Variants in SNTB2 observed in about 807,000 individuals in gnomAD.
SNTB2 encodes the protein beta-2-syntrophin.
Under a neutral mutation model 46.2 loss-of-function variants are expected in SNTB2, and 34 were observed. The observed-to-expected ratio is 0.74, with a 90% CI of 0.56 to 0.98. The LOEUF (loss-of-function observed/expected upper bound fraction) is 0.98, where lower values mean the gene tolerates loss of function less well. Ranked by LOEUF, SNTB2 falls within the 50% of genes least tolerant of loss-of-function variation. SNTB2 has a pLI of 0.00. For synonymous variants in SNTB2, 290 were observed against 312.6 expected, an observed-to-expected ratio of 0.93 and a Z score of 0.76; for missense variants, 603 against 731.4, an observed-to-expected ratio of 0.82 and a Z score of 2.02.
At chr16:69,193,609 G>A (rs1405183155) in intron 1 of SNTB2, among the ~76,000 whole-genome samples, 1 of 152,096 alleles carries the variant, frequency 6.6e-6, no homozygotes, top group African/African-American at 2.4e-5. Context: ...GATTACAGGT[G>A]TGAGCCACCA....
chr16:69,238,290 A>G (rs548988285), intron 1 of SNTB2, among the ~76,000 whole-genome samples: 25 of 152,264 alleles, frequency 1.6e-4, no homozygotes, highest in African/African-American at 5.3e-4. Flanking sequence ...ATCGGTCTCT[A>G]TAGGGCTCTT....
chr16:69,258,317 T>TTTTAA (rs1268432944), intron 2 of SNTB2, among the ~76,000 whole-genome samples: 1 of 152,178 alleles, frequency 6.6e-6, no homozygotes, highest in African/African-American at 2.4e-5. Flanking sequence ...TTTATTTGAC[T>TTTTAA]TTTAAAATTC....
intron 5 of SNTB2, among the ~76,000 whole-genome samples, chr16:69,285,356 CTTTTTTT>C (rs199516210): frequency 3.0e-5 from 4 of 131,834 alleles, no homozygotes; most frequent in African/African-American, 5.4e-5. Flanking sequence ...GTTCATCTCT[CTTTTTTT>C]TTTTTTTTTT....
In SNTB2 at chr16:69,287,863, A is replaced by AATAT. The variant is rs147955492; in HGVS notation, c.1345+3634_1345+3637dup. Among the ~76,000 whole-genome samples, 17 of 147,906 alleles carry AATAT rather than the reference A, an allele frequency of 1.1e-4. No homozygotes were observed. In the East Asian group the frequency reaches 1.4e-3, roughly 12 times the overall value. On this transcript the variant is annotated intron_variant, in intron 5 of 6. Transcript: ENST00000336278. ...AACAGTGGGAAACTCTGTCTCAAAA[A>AATAT]ATATATATATATATATATGTATATG...
Position 69,230,228 on chromosome 16 carries a change from C to T in SNTB2, c.581-15374C>T, listed in dbSNP as rs747297864. Among the ~76,000 whole-genome samples, 29 of 152,138 alleles carry T rather than the reference C, an allele frequency of 1.9e-4. 1 individual carries two copies. Among genetic ancestry groups the T allele is most frequent in the Non-Finnish European group, 8.8e-5 (6 of 68,026 alleles). On this transcript the variant is annotated intron_variant, in intron 1 of 6. Transcript: ENST00000336278. ...CACTCACAAATGTGACCACTATTAG[C>T]AAATTGGCATATTTTCTTGAGCACT...
At chr16:69,262,105 C>T (rs1964839935) in intron 3 of SNTB2, among the ~76,000 whole-genome samples, 1 of 152,156 alleles carries the variant, frequency 6.6e-6, no homozygotes, top group Non-Finnish European at 1.5e-5. Flanking sequence ...TGTGTCCTTT[C>T]ACACATGCAC....
intron 5 of SNTB2, among the ~76,000 whole-genome samples, chr16:69,289,269 C>CAAAAA (rs539709680): frequency 1.3e-5 from 1 of 76,742 alleles, no homozygotes; most frequent in African/African-American, 4.7e-5. Context: ...AACTCCGTCT[C>CAAAAA]AAAAAAAAAA....
At chr16:69,230,945 G>C (rs905443129) in intron 1 of SNTB2, 2 of 146,982 alleles carry the variant, frequency 1.4e-5, no homozygotes, top group Non-Finnish European at 3.0e-5. Context: ...GGCTTTCACC[G>C]TGTTAGCCAG....
rs914165704 is a variant in SNTB2, at chr16:69,303,963, G to T, written c.*3039G>T. 1 of 152,162 alleles carries T rather than the reference G, an allele frequency of 6.6e-6. No individual in the cohort carries two copies. The highest frequency in any genetic ancestry group is 2.4e-5 in the African/African-American group (1 of 41,430). 9.4% of individuals were successfully genotyped at this position (152,162 alleles called of 1,614,324 possible). On this transcript the variant is annotated 3_prime_UTR_variant, in exon 7 of 7. Transcript: ENST00000336278. ...GAAAGGAAACTGCAGAATAGTGTCT[G>T]CTCCCCATTCAGAGGGACTGCTTCC...
In SNTB2 at chr16:69,231,188, T is replaced by C. The variant is rs1433574154; in HGVS notation, c.581-14414T>C. 2.6e-5 allele frequency: 4 copies of C among 152,258 alleles called. No individual in the cohort carries two copies. In the East Asian group the frequency reaches 7.7e-4, roughly 29 times the overall value. The allele number at this position is 152,258 out of a possible 1,614,324, so 9.4% of individuals were successfully genotyped here. A position where few individuals can be genotyped will look rare whatever the true frequency, so the allele number is the denominator to read the frequency against. ...CAACAATCTTCTCATTTGCTTTGTG[T>C]GTTTTGAAGTAAGCAGAAGGATACA... On this transcript the variant is annotated intron_variant, in intron 1 of 6. Coordinates refer to ENST00000336278, the MANE Select transcript of SNTB2 (RefSeq NM_006750.4).
intron 2 of SNTB2, among the ~76,000 whole-genome samples, chr16:69,248,944 A>C (rs955897774): frequency 6.6e-6 from 1 of 151,718 alleles, no homozygotes; most frequent in African/African-American, 2.4e-5. Context: ...ATAAAGAGGA[A>C]CAAATTGCAA....
Position 69,286,917 on chromosome 16 carries a change from A to G in SNTB2, c.1345+2673A>G, listed in dbSNP as rs540022901. ...AAATAATGTAAGGACTCATTTACCA[A>G]GTACTAGATACATGGACTCTCCAGT... On this transcript the variant is annotated intron_variant, in intron 5 of 6. Transcript: ENST00000336278. Among the ~76,000 whole-genome samples, 4 of 152,294 alleles carry G rather than the reference A, an allele frequency of 2.6e-5. No homozygotes were observed. In the South Asian group the frequency reaches 8.3e-4, roughly 32 times the overall value.
intron 1 of SNTB2, among the ~76,000 whole-genome samples, chr16:69,232,479 A>G (rs1187999243): frequency 2.1e-5 from 3 of 139,682 alleles, no homozygotes; most frequent in Non-Finnish European, 3.0e-5. Flanking sequence ...TGCTGGGATT[A>G]CAGGTGTGAG....
At position 69,198,940 on chromosome 16, in the gene SNTB2, G is replaced by A. The variant is rs145219487; in HGVS notation, c.580+11194G>A. Among the ~76,000 whole-genome samples the A allele has an allele frequency of 3.7e-3, 527 of 142,742 alleles. 2 individuals carry two copies. Among genetic ancestry groups the A allele is most frequent in the African/African-American group, 0.013 (499 of 37,810 alleles). The allele number at this position is 142,742 out of a possible 152,430, so 93.6% of individuals were successfully genotyped here. On this transcript the variant is annotated intron_variant, in intron 1 of 6. Transcript: ENST00000336278. ...TGAGACAGTTTCACTCTTGTTGCTC[G>A]GGCTGGAGTGCAATGGCACGATCTC...
At chr16:69,267,085 T>C (rs1277226926) in intron 3 of SNTB2, among the ~76,000 whole-genome samples, 4 of 151,770 alleles carry the variant, frequency 2.6e-5, no homozygotes, top group African/African-American at 7.3e-5. Context: ...TGGAGTGCAG[T>C]GGCGCAGTCT....
Position 69,301,472 on chromosome 16 carries a change from A to C in SNTB2, c.*548A>C, listed in dbSNP as rs1040111083. The C allele has an allele frequency of 6.5e-5, 10 of 154,542 alleles. No individual in the cohort carries two copies. Among genetic ancestry groups the C allele is most frequent in the Admixed American group, 4.4e-4 (7 of 15,746 alleles). The allele number at this position is 154,542 out of a possible 1,614,324, so 9.6% of individuals were successfully genotyped here. On this transcript the variant is annotated 3_prime_UTR_variant, in exon 7 of 7. Transcript: ENST00000336278. ...TAGGAAGTCCTTGAATTGTATCACC[A>C]AAGGGTTGTTCCATTTGCCCTGGAT...
At position 69,301,213 on chromosome 16, in the gene SNTB2, T is replaced by C. The variant is rs534128346; in HGVS notation, c.*289T>C. ...GGTTTATTTCTACTGCTAAAAAGAA[T>C]GGCTCATTGTTTTCTTTTTTTTTCA... On this transcript the variant is annotated 3_prime_UTR_variant, in exon 7 of 7. Coordinates refer to ENST00000336278, the MANE Select transcript of SNTB2 (RefSeq NM_006750.4). The C allele has an allele frequency of 3.9e-6, 1 of 259,560 alleles. No individual in the cohort carries two copies. Among genetic ancestry groups the C allele is most frequent in the East Asian group, 7.0e-5 (1 of 14,292 alleles). 16.1% of individuals were successfully genotyped at this position (259,560 alleles called of 1,614,324 possible).
chr16:69,195,236 GA>G (rs1964092899), intron 1 of SNTB2, among the ~76,000 whole-genome samples: 1 of 152,026 alleles, frequency 6.6e-6, no homozygotes, highest in African/African-American at 2.4e-5. Context: ...AGACGTATAT[GA>G]TTTATTTTTA....
At chr16:69,241,427 C>T (rs1368776484) in intron 1 of SNTB2, among the ~76,000 whole-genome samples, 7 of 144,710 alleles carry the variant, frequency 4.8e-5, no homozygotes, top group African/African-American at 1.3e-4. Context: ...CCACCCACCT[C>T]GGCCTCCCAA....
Sources: allele counts gnomAD v4.1 joint callset (sites outside exome capture counted in the v4.1 genomes callset), GRCh38; gene constraint gnomAD v4.1.1; transcripts MANE v1.5; gene names NCBI Gene and HGNC (gene_info 2026-07-23, HGNC 2026-07-21).